Variants in ZNF385D observed in about 807,000 individuals in gnomAD.
ZNF385D encodes zinc finger protein 385D.
Under a neutral mutation model 35.8 loss-of-function variants are expected in ZNF385D, and 15 were observed. That is an observed-to-expected ratio of 0.42 (90% CI 0.28 to 0.64). The LOEUF (loss-of-function observed/expected upper bound fraction) is 0.64, where lower values mean the gene tolerates loss of function less well. Among genes scored for constraint, ZNF385D ranks in the 30% least tolerant of loss-of-function variants. The pLI is 0.23. For synonymous variants in ZNF385D, 212 were observed against 186.8 expected, an observed-to-expected ratio of 1.13 and a Z score of -1.10; for missense variants, 474 against 494.6, an observed-to-expected ratio of 0.96 and a Z score of 0.39.
chr3:21,956,787 T>C (rs1702313951), intron 3 of ZNF385D, among the ~76,000 whole-genome samples: 1 of 151,748 alleles, frequency 6.6e-6, no homozygotes, highest in Admixed American at 6.6e-5. Context: ...GGGGCCAATC[T>C]AAGACCTTCA....
chr3:22,127,702 T>C (rs762944520), intron 3 of ZNF385D, among the ~76,000 whole-genome samples: 3 of 152,108 alleles, frequency 2.0e-5, no homozygotes, highest in Non-Finnish European at 2.9e-5. Context: ...TAATCTATTA[T>C]TTTAAATTGA....
At chr3:21,577,631 T>C (rs1043663005) in intron 2 of ZNF385D, among the ~76,000 whole-genome samples, 5 of 152,078 alleles carry the variant, frequency 3.3e-5, no homozygotes, top group Non-Finnish European at 7.4e-5. Flanking sequence ...CCACCAACAG[T>C]GTATAGAAAG....
intron 3 of ZNF385D, among the ~76,000 whole-genome samples, chr3:21,796,312 AC>A (rs561808362): frequency 6.8e-4 from 103 of 152,320 alleles, no homozygotes; most frequent in South Asian, 2.1e-3. Context: ...TTATCCTTAT[AC>A]TAAAACCCAA....
chr3:21,878,698 G>A (rs3890082), intron 3 of ZNF385D, among the ~76,000 whole-genome samples: 16,013 of 151,916 alleles, frequency 0.11, 979 homozygotes, highest in South Asian at 0.17. Flanking sequence ...CTCTAGGTAG[G>A]TTCCATGAAG....
At chr3:21,518,824 A>G (rs1261586537) in intron 3 of ZNF385D, among the ~76,000 whole-genome samples, 1 of 152,206 alleles carries the variant, frequency 6.6e-6, no homozygotes. Context: ...ACTGCTGTGA[A>G]GACAAATTAT....
intron 2 of ZNF385D, among the ~76,000 whole-genome samples, chr3:22,202,865 T>C (rs928088739): frequency 1.3e-5 from 2 of 152,108 alleles, no homozygotes; most frequent in South Asian, 2.1e-4. Context: ...CAGAGGGGAA[T>C]CACCCATTCC....
At chr3:21,938,306 G>C (rs985513088) in intron 3 of ZNF385D, among the ~76,000 whole-genome samples, 6 of 152,290 alleles carry the variant, frequency 3.9e-5, no homozygotes, top group East Asian at 1.9e-4. Flanking sequence ...TGGCAGATGA[G>C]AGTGACTCAG....
At chr3:21,668,109 C>T (rs1268930977) in intron 1 of ZNF385D, among the ~76,000 whole-genome samples, 1 of 152,086 alleles carries the variant, frequency 6.6e-6, no homozygotes, top group Non-Finnish European at 1.5e-5. Context: ...GGGTCTGATT[C>T]CCAGAACCCC....
intron 3 of ZNF385D, among the ~76,000 whole-genome samples, chr3:22,158,494 G>A (rs1705732512): frequency 1.3e-5 from 2 of 151,888 alleles, no homozygotes; most frequent in African/African-American, 2.4e-5. Flanking sequence ...ACATCTATTT[G>A]CTTTTATTTT....
At position 22,270,182 on chromosome 3, in the gene ZNF385D, T is replaced by A. The variant is rs370570168; in HGVS notation, c.107-101147A>T. Among the ~76,000 whole-genome samples the A allele has an allele frequency of 3.2e-4, 48 of 152,104 alleles. No homozygotes were observed. The South Asian group carries it at 3.5e-3, about 11-fold the overall frequency. ...ATTTATTTCCCCCTAGAAAAAGCCC[T>A]TTCTCTGGCTCACAGCTCAAATGGT... On this transcript the variant is annotated intron_variant, in intron 2 of 5. Transcript: ENST00000494108.
intron 3 of ZNF385D, among the ~76,000 whole-genome samples, chr3:21,971,568 G>T (rs1211027935): frequency 6.7e-6 from 1 of 150,222 alleles, no homozygotes; most frequent in East Asian, 2.0e-4. Context: ...AGAAGGAAGA[G>T]ATGGCCAAAA....
chr3:22,372,495 T>C, exon 2 of ZNF385D: 2 of 985,550 alleles, frequency 2.0e-6, no homozygotes, highest in Non-Finnish European at 2.4e-6. Context: ...TTTTCTCTCC[T>C]TCCTCCCACC....
chr3:21,985,562 A>T (rs368401780), intron 3 of ZNF385D, among the ~76,000 whole-genome samples: 1 of 106,034 alleles, frequency 9.4e-6, no homozygotes, highest in East Asian at 2.0e-4. Flanking sequence ...TGCTGGATTC[A>T]GTTTGCCAGT....
chr3:22,157,773 G>C (rs1316852678), intron 3 of ZNF385D, among the ~76,000 whole-genome samples: 1 of 152,046 alleles, frequency 6.6e-6, no homozygotes, highest in Admixed American at 6.6e-5. Context: ...TCCTCTCAGG[G>C]TTGGAAAATT....
chr3:22,163,337 A>G (rs1273312648), intron 3 of ZNF385D, among the ~76,000 whole-genome samples: 4 of 152,180 alleles, frequency 2.6e-5, no homozygotes, highest in East Asian at 1.9e-4. Context: ...CATAACGTAC[A>G]TCGCCGTCAG....
intron 1 of ZNF385D, among the ~76,000 whole-genome samples, chr3:21,745,266 T>C (rs894812411): frequency 6.6e-6 from 1 of 151,980 alleles, no homozygotes; most frequent in Non-Finnish European, 1.5e-5. Context: ...TGATATTACA[T>C]GTGGGCAAAA....
At chr3:22,326,210 CCT>C (rs2125452701) in intron 2 of ZNF385D, among the ~76,000 whole-genome samples, 1 of 152,246 alleles carries the variant, frequency 6.6e-6, no homozygotes, top group East Asian at 1.9e-4. Context: ...TTACTATACC[CCT>C]GTCTCAGATA....
intron 2 of ZNF385D, among the ~76,000 whole-genome samples, chr3:22,202,518 G>T (rs1253707748): frequency 6.6e-6 from 1 of 152,074 alleles, no homozygotes; most frequent in Non-Finnish European, 1.5e-5. Context: ...AGCTTCTACT[G>T]ACTGTCCTCC....
intron 3 of ZNF385D, among the ~76,000 whole-genome samples, chr3:22,137,725 C>G (rs1704241346): frequency 6.6e-6 from 1 of 152,058 alleles, no homozygotes; most frequent in Non-Finnish European, 1.5e-5. Context: ...ACTGAATGGA[C>G]AAAAACTGGA....
Sources: gnomAD v4.1 joint callset for allele counts (sites outside exome capture counted in the v4.1 genomes callset) on GRCh38, gnomAD v4.1.1 for gene constraint, MANE v1.5 for transcripts, NCBI Gene and HGNC (gene_info 2026-07-23, HGNC 2026-07-21) for gene names.